PSD3: variants seen among roughly 807,000 people sequenced by gnomAD.
PSD3 encodes the protein pleckstrin and Sec7 domain containing 3.
In PSD3, 49 loss-of-function variants were observed where a neutral mutation model predicts 105.5. The observed-to-expected ratio is 0.46, with a 90% CI of 0.37 to 0.59. The LOEUF (loss-of-function observed/expected upper bound fraction) is 0.59. Among genes scored for constraint, PSD3 ranks in the 20% least tolerant of loss-of-function variants. PSD3 has a pLI of 0.00. For synonymous variants in PSD3, 557 were observed against 457.8 expected, an observed-to-expected ratio of 1.22 and a Z score of -2.77; for missense variants, 1,561 against 1,263.8, an observed-to-expected ratio of 1.24 and a Z score of -3.57.
intron 2 of PSD3, among the ~76,000 whole-genome samples, chr8:18,928,566 A>C (rs1821524503): frequency 6.6e-6 from 1 of 152,198 alleles, no homozygotes; most frequent in Admixed American, 6.5e-5. Context: ...TAGTCATAAC[A>C]ATGATTCCAT....
chr8:18,755,246 T>C (rs1805919822), intron 9 of PSD3, among the ~76,000 whole-genome samples: 2 of 151,948 alleles, frequency 1.3e-5, no homozygotes, highest in African/African-American at 2.4e-5. Flanking sequence ...CTGGTCAACA[T>C]GGTGAAACCC....
At chr8:18,553,302 C>T (rs1018873181) in intron 15 of PSD3, among the ~76,000 whole-genome samples, 3 of 152,118 alleles carry the variant, frequency 2.0e-5, no homozygotes, top group East Asian at 1.9e-4. Flanking sequence ...GATTAAAGCT[C>T]CTCTTCCTGT....
intron 1 of PSD3, among the ~76,000 whole-genome samples, chr8:18,979,970 G>A (rs1825168233): frequency 6.6e-6 from 1 of 152,134 alleles, no homozygotes; most frequent in Non-Finnish European, 1.5e-5. Context: ...AATTAAATAA[G>A]AATCACTCAT....
At chr8:18,667,002 G>T (rs114697456) in intron 9 of PSD3, among the ~76,000 whole-genome samples, 324 of 152,256 alleles carry the variant, frequency 2.1e-3, no homozygotes, top group African/African-American at 7.4e-3. Context: ...CTTGCTGGAT[G>T]TGTTGGGAGT....
intron 2 of PSD3, among the ~76,000 whole-genome samples, chr8:18,930,748 T>G (rs1422665412): frequency 2.6e-5 from 4 of 152,030 alleles, no homozygotes; most frequent in Admixed American, 2.0e-4. Flanking sequence ...TTTTTTATTT[T>G]TAGTAGAGAC....
intron 1 of PSD3, among the ~76,000 whole-genome samples, chr8:18,951,057 G>C (rs1355617389): frequency 6.6e-6 from 1 of 152,176 alleles, no homozygotes; most frequent in African/African-American, 2.4e-5. Flanking sequence ...GCATGCTGAT[G>C]TTTGAGGAAT....
intron 1 of PSD3, among the ~76,000 whole-genome samples, chr8:19,056,646 C>T (rs751976794): frequency 3.3e-5 from 5 of 152,216 alleles, no homozygotes; most frequent in Non-Finnish European, 7.3e-5. Flanking sequence ...TTGGCTCCTT[C>T]ATCAACTATT....
At chr8:18,612,612 C>T (rs558598612) in intron 11 of PSD3, among the ~76,000 whole-genome samples, 6 of 152,192 alleles carry the variant, frequency 3.9e-5, no homozygotes, top group East Asian at 3.9e-4. Flanking sequence ...CCTCGTGATC[C>T]GCCTGCCTCG....
At chr8:19,023,238 C>A (rs1185138025) in intron 1 of PSD3, among the ~76,000 whole-genome samples, 2 of 152,168 alleles carry the variant, frequency 1.3e-5, no homozygotes, top group Non-Finnish European at 2.9e-5. Flanking sequence ...TTTCTCACAG[C>A]TATGCTGTCT....
chr8:18,719,840 ACT>A (rs975741011), intron 9 of PSD3, among the ~76,000 whole-genome samples: 4 of 152,178 alleles, frequency 2.6e-5, no homozygotes, highest in African/African-American at 4.8e-5. Context: ...AGATAGCAAA[ACT>A]CTGTATATTT....
chr8:18,588,385 T>A (rs1353773917), intron 12 of PSD3, among the ~76,000 whole-genome samples: 1 of 152,122 alleles, frequency 6.6e-6, no homozygotes, highest in African/African-American at 2.4e-5. Flanking sequence ...TCCAGGAACA[T>A]ATATTAGTTC....
At chr8:18,568,527 G>T (rs554337223) in intron 14 of PSD3, among the ~76,000 whole-genome samples, 3 of 152,034 alleles carry the variant, frequency 2.0e-5, no homozygotes, top group Non-Finnish European at 4.4e-5. Flanking sequence ...AAGCCACAAT[G>T]ACAGCCTGTT....
rs751304455 is a variant in PSD3, at chr8:18,618,397, C to T, written c.2410+14216G>A. 3.3e-5 allele frequency among the ~76,000 whole-genome samples: 5 copies of T among 151,580 alleles called. 1 individual carries two copies. Among genetic ancestry groups the T allele is most frequent in the Middle Eastern group, 3.4e-3 (1 of 294 alleles). ...CTGAGGCTACGTCATGGGCCATGGT[C>T]ACTTGTATCTGGCTCAGAATAAGCC... On this transcript the variant is annotated intron_variant, in intron 11 of 15. Coordinates refer to ENST00000327040, the MANE Select transcript of PSD3 (RefSeq NM_015310.4).
chr8:18,983,836 A>C (rs893477783), intron 1 of PSD3, among the ~76,000 whole-genome samples: 7 of 146,198 alleles, frequency 4.8e-5, no homozygotes, highest in Non-Finnish European at 9.1e-5. Flanking sequence ...CCGTCTCTAC[A>C]AAAAAAAAAA....
At chr8:18,552,143 A>G (rs17643516) in intron 15 of PSD3, among the ~76,000 whole-genome samples, 3,592 of 152,284 alleles carry the variant, frequency 0.024, 65 homozygotes, top group East Asian at 0.086. Context: ...CTGGTTTTCT[A>G]ACAGGCTTTA....
intron 1 of PSD3, among the ~76,000 whole-genome samples, chr8:18,952,531 G>T (rs940990707): frequency 2.0e-5 from 3 of 152,176 alleles, no homozygotes; most frequent in Non-Finnish European, 2.9e-5. Flanking sequence ...AAAGACTACT[G>T]ATGTGACTCT....
At chr8:18,750,759 C>T (rs975839299) in intron 9 of PSD3, among the ~76,000 whole-genome samples, 1 of 152,000 alleles carries the variant, frequency 6.6e-6, no homozygotes, top group African/African-American at 2.4e-5. Flanking sequence ...TAGTTAGATA[C>T]AGAGTATGGA....
Position 18,879,070 on chromosome 8 carries a change from ACACACACACACACACACG to A in PSD3, c.131-6355_131-6338del, listed in dbSNP as rs1817928325. 6.0e-5 allele frequency among the ~76,000 whole-genome samples: 9 copies of A among 151,074 alleles called. No individual in the cohort carries two copies. The East Asian group carries it at 7.8e-4, about 13-fold the overall frequency. On this transcript the variant is annotated intron_variant, in intron 2 of 15. Coordinates refer to ENST00000327040, the MANE Select transcript of PSD3 (RefSeq NM_015310.4). The stretch of plus-strand genomic sequence containing the variant: ...CACACAAACACACACACACACACAC[ACACACACACACACACACG>A]CACACACAACTGAACACTGGCCCCA...
chr8:18,648,418 T>A (rs1808219913), intron 10 of PSD3, among the ~76,000 whole-genome samples: 1 of 152,224 alleles, frequency 6.6e-6, no homozygotes, highest in Non-Finnish European at 1.5e-5. Context: ...CCTAGGGATC[T>A]GTGGAATTTT....
Sources: allele counts gnomAD v4.1 joint callset (sites outside exome capture counted in the v4.1 genomes callset), GRCh38; gene constraint gnomAD v4.1.1; transcripts MANE v1.5; gene names NCBI Gene and HGNC (gene_info 2026-07-23, HGNC 2026-07-21).